The following LRRIQ1 variants were observed in gnomAD, a reference collection of about 807,000 sequenced individuals.
LRRIQ1 encodes leucine rich repeats and IQ motif containing 1.
LRRIQ1 carries 210 observed loss-of-function variants against 211.9 expected under a neutral mutation model. The ratio of observed to expected loss-of-function variants is 0.99; its 90% CI spans 0.89 to 1.11. LRRIQ1 has a LOEUF of 1.11. LRRIQ1 is among the 50% of genes most tolerant of loss of function. The pLI, the probability that LRRIQ1 is intolerant of heterozygous loss-of-function variation, is 0.00. For synonymous variants in LRRIQ1, 699 were observed against 650.1 expected, an observed-to-expected ratio of 1.08 and a Z score of -1.14; for missense variants, 2,136 against 1,939.5, an observed-to-expected ratio of 1.10 and a Z score of -1.90.
chr12:85,056,545 A>G lies in LRRIQ1; in HGVS notation c.1752A>G (p.Gln584=), dbSNP rs1288134291. 5.0e-6 allele frequency: 8 copies of G among 1,608,044 alleles called. No homozygotes were observed. In the African/African-American group the frequency reaches 1.1e-4, roughly 22 times the overall value. The part of the protein sequence containing the change: ...IIKDNQQKKI[Q]KVEKEEIQEQ... ...AAGATAATCAGCAGAAAAAGATACAAAAAGTAGAAAAAGAAGAGATACAAG... is the reference window on the plus strand; with the variant it reads ...AAGATAATCAGCAGAAAAAGATACAGAAAGTAGAAAAAGAAGAGATACAAG... The change falls in exon 8 of 27, where the codon CAA becomes CAG. Residue 584 remains glutamine (Q), a synonymous_variant. Transcript: ENST00000393217.
intron 24 of LRRIQ1, among the ~76,000 whole-genome samples, chr12:85,214,850 G>A (rs926947105): frequency 7.9e-5 from 12 of 151,996 alleles, no homozygotes; most frequent in East Asian, 3.9e-4. Flanking sequence ...AAATATATAC[G>A]CATTATAGTT....
At chr12:85,082,429 G>A (rs577554297) in intron 11 of LRRIQ1, among the ~76,000 whole-genome samples, 49 of 151,770 alleles carry the variant, frequency 3.2e-4, no homozygotes, top group Non-Finnish European at 6.5e-4. Context: ...ATGAATATGT[G>A]GATTGCTTTT....
intron 23 of LRRIQ1, among the ~76,000 whole-genome samples, chr12:85,159,344 T>A (rs1890732823): frequency 6.6e-6 from 1 of 152,018 alleles, no homozygotes; most frequent in Non-Finnish European, 1.5e-5. Flanking sequence ...TTATGAAGAA[T>A]GTAAGTTTTT....
chr12:85,202,303 T>A (rs1181147011), intron 24 of LRRIQ1, among the ~76,000 whole-genome samples: 4 of 152,158 alleles, frequency 2.6e-5, no homozygotes, highest in African/African-American at 9.7e-5. Flanking sequence ...GTCTATTACA[T>A]CCATTTGGTC....
intron 11 of LRRIQ1, among the ~76,000 whole-genome samples, chr12:85,092,313 C>G (rs1328890138): frequency 6.6e-6 from 1 of 152,096 alleles, no homozygotes; most frequent in African/African-American, 2.4e-5. Flanking sequence ...AGTCAGAATC[C>G]AACACTTATT....
intron 15 of LRRIQ1, among the ~76,000 whole-genome samples, chr12:85,113,123 C>G (rs1887306632): frequency 6.6e-6 from 1 of 152,086 alleles, no homozygotes. Flanking sequence ...AATGTTCAGA[C>G]CAGTTTCCTT....
intron 6 of LRRIQ1, 92 bp from the exon 7 acceptor site, chr12:85,052,085 G>A: frequency 1.3e-6 from 1 of 740,940 alleles, no homozygotes. Context: ...TTTAACTATT[G>A]TTTACAAATA....
intron 24 of LRRIQ1, among the ~76,000 whole-genome samples, chr12:85,206,081 AAGAT>A (rs1159772834): frequency 6.6e-6 from 1 of 152,240 alleles, no homozygotes; most frequent in Non-Finnish European, 1.5e-5. Flanking sequence ...CCATGGCAGC[AAGAT>A]CCTTGCTCAT....
intron 1 of LRRIQ1, among the ~76,000 whole-genome samples, chr12:85,254,864 T>A (rs566946825): frequency 6.6e-6 from 1 of 152,108 alleles, no homozygotes; most frequent in Non-Finnish European, 1.5e-5. Flanking sequence ...GAACTTCTGG[T>A]AATGTCAAAT....
At chr12:85,252,693 T>C (rs1304736247) in intron 1 of LRRIQ1, among the ~76,000 whole-genome samples, 1 of 151,918 alleles carries the variant, frequency 6.6e-6, no homozygotes, top group African/African-American at 2.4e-5. Flanking sequence ...CAACAGTATA[T>C]GTTTTGAAGA....
intron 24 of LRRIQ1, among the ~76,000 whole-genome samples, chr12:85,197,438 A>C (rs1175875520): frequency 2.6e-5 from 4 of 151,130 alleles, no homozygotes; most frequent in Non-Finnish European, 4.4e-5. Flanking sequence ...CAAATGTCCA[A>C]CAATGATAGA....
At chr12:85,161,055 AC>A (rs780979688) in intron 24 of LRRIQ1, among the ~76,000 whole-genome samples, 3 of 152,108 alleles carry the variant, frequency 2.0e-5, no homozygotes, top group Non-Finnish European at 4.4e-5. Context: ...GGAAGTGATC[AC>A]ATGTCGAAAT....
At chr12:85,089,653 C>G (rs1885177834) in intron 11 of LRRIQ1, among the ~76,000 whole-genome samples, 1 of 152,228 alleles carries the variant, frequency 6.6e-6, no homozygotes, top group African/African-American at 2.4e-5. Flanking sequence ...ATTAAAGAAA[C>G]TTCTAAGCAG....
At chr12:85,079,858 C>A (rs1202007495) in intron 11 of LRRIQ1, among the ~76,000 whole-genome samples, 2 of 151,392 alleles carry the variant, frequency 1.3e-5, no homozygotes, top group African/African-American at 4.9e-5. Flanking sequence ...TTTTTCTATT[C>A]TTTTAGGTTA....
At chr12:85,219,101 T>G (rs1405147434) in intron 24 of LRRIQ1, among the ~76,000 whole-genome samples, 2 of 152,122 alleles carry the variant, frequency 1.3e-5, no homozygotes. Flanking sequence ...GGAGACACAT[T>G]ACATGTTAAT....
At position 85,072,933 on chromosome 12, in the gene LRRIQ1, C is replaced by G; in HGVS notation, c.2722C>G (p.Leu908Val). Reference protein sequence around the residue: ...IGYSFFLEEKLVDNAGFCHHL... With the variant: ...IGYSFFLEEKVVDNAGFCHHL... Reference sequence around the variant, plus strand: ...ATATTCCTTCTTTCTGGAAGAAAAACTTGTTGACAATGCAGGGTTCTGCCA... The same window carrying G: ...ATATTCCTTCTTTCTGGAAGAAAAAGTTGTTGACAATGCAGGGTTCTGCCA... Residue 908 changes from leucine to valine, a missense_variant, in exon 11 of 27, where the codon CTT (leucine) becomes GTT (valine). Coordinates refer to ENST00000393217, the MANE Select transcript of LRRIQ1 (RefSeq NM_001079910.2). 1 of 1,609,166 alleles carries G rather than the reference C, an allele frequency of 6.2e-7. No individual in the cohort carries two copies. Among genetic ancestry groups the G allele is most frequent in the Middle Eastern group, 1.7e-4 (1 of 6,016 alleles).
chr12:85,221,580 C>A (rs1894404590), intron 24 of LRRIQ1, among the ~76,000 whole-genome samples: 1 of 151,878 alleles, frequency 6.6e-6, no homozygotes, highest in Non-Finnish European at 1.5e-5. Flanking sequence ...GGGAGCATAC[C>A]CCAAAGAATG....
chr12:85,040,709 G>A lies in LRRIQ1; in HGVS notation c.244+108G>A, dbSNP rs78982253. 541 of 557,028 alleles carry A rather than the reference G, an allele frequency of 9.7e-4. 1 individual carries two copies. The highest frequency in any genetic ancestry group is 9.1e-3 in the African/African-American group (478 of 52,282). The allele number at this position is 557,028 out of a possible 1,614,324, so 34.5% of individuals were successfully genotyped here. ...AGTTCTTATCTCTTACTGTGCACATGTGTATACATTTAGTGTATTTCTAAT... is the reference window on the plus strand; with the variant it reads ...AGTTCTTATCTCTTACTGTGCACATATGTATACATTTAGTGTATTTCTAAT... On this transcript the variant is annotated intron_variant, in intron 3 of 26. Transcript: ENST00000393217.
At chr12:85,255,681 T>G (rs991290065) in intron 1 of LRRIQ1, among the ~76,000 whole-genome samples, 4 of 151,790 alleles carry the variant, frequency 2.6e-5, no homozygotes, top group Non-Finnish European at 5.9e-5. Context: ...AATGTAAAAA[T>G]TCATATTTTA....
Sources: allele counts gnomAD v4.1 joint callset (sites outside exome capture counted in the v4.1 genomes callset), GRCh38; gene constraint gnomAD v4.1.1; transcripts MANE v1.5; gene names NCBI Gene and HGNC (gene_info 2026-07-23, HGNC 2026-07-21).